The following RORA variants were observed in gnomAD, a reference collection of about 807,000 sequenced individuals.
RORA encodes RAR related orphan receptor A.
A neutral mutation model predicts 69.5 loss-of-function variants in RORA; 7 were observed. The ratio of observed to expected loss-of-function variants is 0.10; its 90% CI spans 0.06 to 0.19. The LOEUF (loss-of-function observed/expected upper bound fraction) is 0.19. Among genes scored for constraint, RORA ranks in the 10% least tolerant of loss-of-function variants. The pLI is 1.00. For synonymous variants in RORA, 261 were observed against 240.8 expected, an observed-to-expected ratio of 1.08 and a Z score of -0.78; for missense variants, 457 against 663.0, an observed-to-expected ratio of 0.69 and a Z score of 3.41.
intron 1 of RORA, among the ~76,000 whole-genome samples, chr15:60,950,564 C>T (rs1893059647): frequency 7.1e-6 from 1 of 141,042 alleles, no homozygotes; most frequent in Non-Finnish European, 1.5e-5. Flanking sequence ...CAGAGACACA[C>T]ATAGGCTCAA....
chr15:60,673,521 A>G (rs1857933203), intron 2 of RORA, among the ~76,000 whole-genome samples: 1 of 152,210 alleles, frequency 6.6e-6, no homozygotes, highest in Non-Finnish European at 1.5e-5. Flanking sequence ...AGCAGCGGGG[A>G]TAGGTTTTAG....
chr15:60,949,447 G>A (rs934671406), intron 1 of RORA, among the ~76,000 whole-genome samples: 6 of 152,068 alleles, frequency 3.9e-5, no homozygotes, highest in Non-Finnish European at 5.9e-5. Flanking sequence ...TCCATTCAGC[G>A]CCCAGTATCA....
chr15:61,051,442 G>T (rs1897285328), intron 1 of RORA, among the ~76,000 whole-genome samples: 1 of 152,174 alleles, frequency 6.6e-6, no homozygotes, highest in East Asian at 1.9e-4. Context: ...ATGAATGGTG[G>T]TGTGCAGGTG....
chr15:61,212,457 T>C (rs1170180662), intron 1 of RORA, among the ~76,000 whole-genome samples: 1 of 152,308 alleles, frequency 6.6e-6, no homozygotes, highest in East Asian at 1.9e-4. Context: ...TGGAGTGCAA[T>C]GGCGCAATCT....
chr15:61,184,214 C>G (rs2079716816), intron 1 of RORA, among the ~76,000 whole-genome samples: 1 of 152,228 alleles, frequency 6.6e-6, no homozygotes, highest in Admixed American at 6.5e-5. Context: ...AACCATGTGT[C>G]TATCCCTTCA....
rs1240654755 is a variant in RORA at position 61,100,675 on chromosome 15, A to G, written c.166+128378T>C. Among the ~76,000 whole-genome samples, 3 of 152,310 alleles carry G rather than the reference A, an allele frequency of 2.0e-5. No homozygotes were observed. The South Asian group carries it at 6.2e-4, about 32-fold the overall frequency. On this transcript the variant is annotated intron_variant, in intron 1 of 10. Coordinates refer to ENST00000335670, the MANE Select transcript of RORA (RefSeq NM_134261.3). The stretch of plus-strand genomic sequence containing the variant: ...GCACTCCCCCTAATGGAAAGGGGCC[A>G]TGACACATTCCCGTGGCTCTGGTTT...
At chr15:60,939,776 G>A (rs1240984908) in intron 1 of RORA, among the ~76,000 whole-genome samples, 2 of 152,196 alleles carry the variant, frequency 1.3e-5, no homozygotes, top group Admixed American at 1.3e-4. Context: ...CTGTACCCCT[G>A]CAATGTTTAT....
intron 1 of RORA, among the ~76,000 whole-genome samples, chr15:60,715,034 A>T (rs943283940): frequency 6.6e-6 from 1 of 152,186 alleles, no homozygotes; most frequent in East Asian, 1.9e-4. Flanking sequence ...GCTAACTCTG[A>T]TAGCTAGGTT....
Position 60,845,177 on chromosome 15 carries a change from C to T in RORA, c.167-166491G>A, listed in dbSNP as rs138408099. ...ATACAGCAACCTTGAAGTGCCTTTC[C>T]GGGTGGCACTGCCTGCTATGTGAAG... is the stretch of plus-strand genomic sequence containing the variant. On this transcript the variant is annotated intron_variant, in intron 1 of 10. Transcript: ENST00000335670. Among the ~76,000 whole-genome samples, 109 of 152,288 alleles carry T rather than the reference C, an allele frequency of 7.2e-4. 1 individual carries two copies. The highest frequency in any genetic ancestry group is 2.6e-3 in the African/African-American group (106 of 41,562).
intron 1 of RORA, among the ~76,000 whole-genome samples, chr15:60,722,485 T>C (rs1237239571): frequency 1.3e-5 from 2 of 152,248 alleles, no homozygotes; most frequent in African/African-American, 4.8e-5. Flanking sequence ...TGCAGCTCTC[T>C]GACCTTCCTC....
intron 1 of RORA, among the ~76,000 whole-genome samples, chr15:60,853,195 A>G (rs1192555028): frequency 1.3e-5 from 2 of 152,208 alleles, no homozygotes; most frequent in African/African-American, 4.8e-5. Context: ...CACAGAAAAG[A>G]AAGTGCTGCC....
At chr15:60,519,491 T>C (rs2066085577) in intron 3 of RORA, among the ~76,000 whole-genome samples, 1 of 152,238 alleles carries the variant, frequency 6.6e-6, no homozygotes, top group Non-Finnish European at 1.5e-5. Flanking sequence ...GTTTTGTTTT[T>C]CTGCTTCTCT....
At chr15:60,615,150 C>T (rs2069201864) in intron 2 of RORA, 2 of 1,259,754 alleles carry the variant, frequency 1.6e-6, no homozygotes, top group Non-Finnish European at 2.2e-6. Flanking sequence ...CTCGTGTTTC[C>T]TCATCTTAGT....
In RORA at chr15:61,212,258, T is replaced by TTA. The variant is rs1555420818; in HGVS notation, c.166+16794_166+16795insTA. Reference sequence around the variant, plus strand: ...GAAAGGGTTGTTTGTTTGTTTGTTTTAAAAAAAAAAGGCTGCAACACTTCA... The same window carrying TTA: ...GAAAGGGTTGTTTGTTTGTTTGTTTTTAAAAAAAAAAAGGCTGCAACACTTCA... On this transcript the variant is annotated intron_variant, in intron 1 of 10. Coordinates refer to ENST00000335670, the MANE Select transcript of RORA (RefSeq NM_134261.3). Among the ~76,000 whole-genome samples the TTA allele has an allele frequency of 4.7e-5, 7 of 148,998 alleles. No homozygotes were observed. The South Asian group carries it at 6.3e-4, about 13-fold the overall frequency.
At chr15:60,640,955 TC>T (rs1267003501) in intron 2 of RORA, among the ~76,000 whole-genome samples, 5 of 152,166 alleles carry the variant, frequency 3.3e-5, no homozygotes, top group Non-Finnish European at 5.9e-5. Context: ...GCTTTTCTCT[TC>T]TTTTAATTTT....
chr15:61,192,729 C>T (rs7173299), intron 1 of RORA, among the ~76,000 whole-genome samples: 324 of 152,322 alleles, frequency 2.1e-3, no homozygotes, highest in African/African-American at 7.2e-3. Context: ...TACCATGCTC[C>T]TCACTGAGTA....
At chr15:60,795,327 C>T (rs1324722291) in intron 1 of RORA, among the ~76,000 whole-genome samples, 1 of 152,200 alleles carries the variant, frequency 6.6e-6, no homozygotes, top group African/African-American at 2.4e-5. Flanking sequence ...CACGAAACAA[C>T]AAGAGCAGCA....
At chr15:60,503,335 G>A (rs542740971) in intron 7 of RORA, among the ~76,000 whole-genome samples, 200 bp downstream of exon 7, 100 of 152,280 alleles carry the variant, frequency 6.6e-4, no homozygotes, top group African/African-American at 2.3e-3. Context: ...TTTTCACCCA[G>A]AAGAGAAGAA....
chr15:60,851,034 A>T (rs999585176), intron 1 of RORA, among the ~76,000 whole-genome samples: 7 of 152,122 alleles, frequency 4.6e-5, no homozygotes, highest in Non-Finnish European at 8.8e-5. Context: ...GGGTGTGAAG[A>T]TGCAGTACAA....
Sources: gnomAD v4.1 joint callset for allele counts (sites outside exome capture counted in the v4.1 genomes callset) on GRCh38, gnomAD v4.1.1 for gene constraint, MANE v1.5 for transcripts, NCBI Gene and HGNC (gene_info 2026-07-23, HGNC 2026-07-21) for gene names.